Variants in COL7A1 observed in about 807,000 individuals in gnomAD.
COL7A1 encodes collagen type VII alpha 1 chain.
In COL7A1, 296 loss-of-function variants were observed where a neutral mutation model predicts 456.2. The observed-to-expected ratio is 0.65, with a 90% CI of 0.59 to 0.71. The LOEUF (loss-of-function observed/expected upper bound fraction) is 0.71, where lower values mean the gene tolerates loss of function less well. Ranked by LOEUF, COL7A1 falls within the 30% of genes least tolerant of loss-of-function variation. The pLI is 0.00. For missense variants in COL7A1, 3,441 were observed against 4,017.2 expected, an observed-to-expected ratio of 0.86 and a Z score of 3.88; for synonymous variants, 1,464 against 1,525.9, an observed-to-expected ratio of 0.96 and a Z score of 0.95.
chr3:48,586,115 C>T lies in COL7A1; in HGVS notation c.3682G>A (p.Gly1228Ser), dbSNP rs1351788693. 1 of 1,613,550 alleles carries T rather than the reference C, an allele frequency of 6.2e-7. No homozygotes were observed. The highest frequency in any genetic ancestry group is 1.1e-5 in the South Asian group (1 of 91,090). Residue 1228 changes from glycine (G) to serine (S), a missense_variant, in exon 28 of 119, where the codon GGT (glycine) becomes AGT (serine). Physicochemically the swap from Gly to Ser is moderately conservative, Grantham distance 56. Coordinates refer to ENST00000681320, the MANE Select transcript of COL7A1 (RefSeq NM_000094.4). This position sits in a 1 kb window ranked among gnomAD's most constrained non-coding sequence, Gnocchi z 5.1. The part of the protein sequence containing the change: ...DGPSLDQAVS[G>S]LATALCQASF... Reference sequence around the variant, plus strand: ...GCCTGACACAGGGCTGTGGCCAGACCACTGACTGCCTGGTCCAGGCTTGGC... The same window carrying T: ...GCCTGACACAGGGCTGTGGCCAGACTACTGACTGCCTGGTCCAGGCTTGGC...
In COL7A1 at chr3:48,575,851, C is replaced by T. The variant is rs1365765215; in HGVS notation, c.5856+16G>A. 6.2e-7 allele frequency: 1 copy of T among 1,614,152 alleles called. No individual in the cohort carries two copies. The highest frequency in any genetic ancestry group is 1.7e-5 in the Admixed American group (1 of 60,036). On this transcript the variant is annotated intron_variant, in intron 72 of 118. Transcript: ENST00000681320. The surrounding 1 kb of genome is among the most constrained non-coding windows in gnomAD (Gnocchi z 6.3). ...GGCCCCCACTTGTCCCTACCCCCAG[C>T]CCCTAAACAACCCACCTTGATGCCA...
Position 48,586,537 on chromosome 3 carries a change from G to T in COL7A1, c.3403+26C>A. 6.2e-7 allele frequency: 1 copy of T among 1,613,744 alleles called. No homozygotes were observed. Among genetic ancestry groups the T allele is most frequent in the Non-Finnish European group, 8.5e-7 (1 of 1,180,040 alleles). On this transcript the variant is annotated intron_variant, in intron 26 of 118. Coordinates refer to ENST00000681320, the MANE Select transcript of COL7A1 (RefSeq NM_000094.4). The surrounding 1 kb of genome is among the most constrained non-coding windows in gnomAD (Gnocchi z 5.1). ...CCAAGCTCCCAGTGGATAGCCCCAG[G>T]AGTCCATGCCTGCTGCAGTCCTCAC...
At position 48,572,905 on chromosome 3, in the gene COL7A1, C is replaced by G; in HGVS notation, c.6788G>C (p.Gly2263Ala). 1 of 1,613,974 alleles carries G rather than the reference C, an allele frequency of 6.2e-7. No homozygotes were observed. The highest frequency in any genetic ancestry group is 8.5e-7 in the Non-Finnish European group (1 of 1,180,008). The change falls in exon 87 of 119, where the codon GGT becomes GCT. Residue 2263 changes from glycine to alanine, a missense_variant. By Grantham distance (60) the Gly-to-Ala change is moderately conservative. Coordinates refer to ENST00000681320, the MANE Select transcript of COL7A1 (RefSeq NM_000094.4). The surrounding 1 kb of genome is among the most constrained non-coding windows in gnomAD (Gnocchi z 4.6). ...TCTGTCTCCATCTTTTCCACTGGCA[C>G]CATCTCGACCTGGGGCTCCCGGCTT... ...TGKPGAPGRD[G>A]ASGKDGDRGS...
In COL7A1 at chr3:48,569,272, C is replaced by T. The variant is rs1232499311; in HGVS notation, c.7686+103G>A. On this transcript the variant is annotated intron_variant, in intron 103 of 118. Transcript: ENST00000681320. This position sits in a 1 kb window ranked among gnomAD's most constrained non-coding sequence, Gnocchi z 4.9. ...GCCACAGAACCCCTTCCCCCTAAAC[C>T]CCAGAAAGCCTCCTCCTGTCCTCCC... The T allele has an allele frequency of 7.0e-7, 1 of 1,422,576 alleles. No individual in the cohort carries two copies. Among genetic ancestry groups the T allele is most frequent in the Non-Finnish European group, 9.9e-7 (1 of 1,007,380 alleles). The allele number at this position is 1,422,576 out of a possible 1,614,324, so 88.1% of individuals were successfully genotyped here.
chr3:48,581,829 G>T lies in COL7A1; in HGVS notation c.4669-70C>A. ...AACCCCCTGACCCAGCAAGTCCTGTGACCCCCCAAGTCCCATAGATAGGCC... is the reference window on the plus strand; with the variant it reads ...AACCCCCTGACCCAGCAAGTCCTGTTACCCCCCAAGTCCCATAGATAGGCC... On this transcript the variant is annotated intron_variant, in intron 48 of 118. Transcript: ENST00000681320. The surrounding 1 kb of genome is among the most constrained non-coding windows in gnomAD (Gnocchi z 5.8). 1.2e-6 allele frequency: 2 copies of T among 1,613,168 alleles called. No homozygotes were observed. Among genetic ancestry groups the T allele is most frequent in the East Asian group, 2.2e-5 (1 of 44,864 alleles).
intron 65 of COL7A1, among the ~76,000 whole-genome samples, chr3:48,577,453 T>C (rs1348585129): frequency 6.6e-6 from 1 of 152,260 alleles, no homozygotes; most frequent in Non-Finnish European, 1.5e-5. Flanking sequence ...CATGGGCTTA[T>C]ACATGCCTTG....
Position 48,569,190 on chromosome 3 carries a change from T to C in COL7A1, c.7686+185A>G, listed in dbSNP as rs1269245746. 6.6e-6 allele frequency among the ~76,000 whole-genome samples: 1 copy of C among 151,572 alleles called. No homozygotes were observed. Among genetic ancestry groups the C allele is most frequent in the Non-Finnish European group, 1.5e-5 (1 of 67,876 alleles). On this transcript the variant is annotated intron_variant, in intron 103 of 118. Transcript: ENST00000681320. This position sits in a 1 kb window ranked among gnomAD's most constrained non-coding sequence, Gnocchi z 4.9. ...GCCAGTCCACAGAGCTCTCCTAACC[T>C]CACACCAAGGCCTTGAGCCCTCCCT...
chr3:48,593,601 G>A lies in COL7A1; in HGVS notation c.362C>T (p.Ala121Val). The change falls in exon 4 of 119, where the codon GCT (alanine) becomes GTT (valine). Residue 121 changes from alanine (A) to valine (V), a missense_variant. By Grantham distance (64) the Ala-to-Val change is moderately conservative (BLOSUM62 0). This residue lies in a region of COL7A1 where 913 missense variants were observed against 1,088.2 expected (regional missense o/e 0.84). Coordinates refer to ENST00000681320, the MANE Select transcript of COL7A1 (RefSeq NM_000094.4). This position sits in a 1 kb window ranked among gnomAD's most constrained non-coding sequence, Gnocchi z 4.4. Reference sequence around the variant, plus strand: ...ATGGTCAGCCACATGGAGAATTGCAGCCCCTGTGCGAGTGTTGCCCCCCTT... The same window carrying A: ...ATGGTCAGCCACATGGAGAATTGCAACCCCTGTGCGAGTGTTGCCCCCCTT... Reference protein sequence around the residue: ...SYKGGNTRTGAAILHVADHVF... With the variant: ...SYKGGNTRTGVAILHVADHVF... The A allele has an allele frequency of 1.2e-6, 2 of 1,614,222 alleles. No individual in the cohort carries two copies. Among genetic ancestry groups the A allele is most frequent in the Non-Finnish European group, 1.7e-6 (2 of 1,180,032 alleles).
Position 48,573,845 on chromosome 3 carries a change from G to A in COL7A1, c.6537+10C>T, listed in dbSNP as rs1425145848. ...GGGGGCAAGACAGGTGAAGGTTCTTGGGTACTCACCACTGGGCCAGGGGGG... is the reference window on the plus strand; with the variant it reads ...GGGGGCAAGACAGGTGAAGGTTCTTAGGTACTCACCACTGGGCCAGGGGGG... On this transcript the variant is annotated intron_variant, in intron 81 of 118. Transcript: ENST00000681320. The surrounding 1 kb of genome is among the most constrained non-coding windows in gnomAD (Gnocchi z 5.5). 1 of 1,614,044 alleles carries A rather than the reference G, an allele frequency of 6.2e-7. No homozygotes were observed. The highest frequency in any genetic ancestry group is 1.1e-5 in the South Asian group (1 of 91,072).
Position 48,575,405 on chromosome 3 carries a change from C to A in COL7A1, c.6114G>T (p.Lys2038Asn). 4 of 1,610,570 alleles carry A rather than the reference C, an allele frequency of 2.5e-6. No homozygotes were observed. The highest frequency in any genetic ancestry group is 3.4e-6 in the Non-Finnish European group (4 of 1,178,958). The change falls in exon 74 of 119, where the codon AAG (lysine) becomes AAT (asparagine). Residue 2038 changes from lysine (K) to asparagine (N), a missense_variant. Transcript: ENST00000681320. This position sits in a 1 kb window ranked among gnomAD's most constrained non-coding sequence, Gnocchi z 6.3. ...GPSGLAGEPGKPGIPGLPGRA... is the reference protein window; with the variant it reads ...GPSGLAGEPGNPGIPGLPGRA... The stretch of plus-strand genomic sequence containing the variant: ...TGCCTGGGAGCCCGGGAATACCAGG[C>A]TTTCCAGGCTCCCCGGCAAGGCCGG...
chr3:48,576,504 C>G lies in COL7A1; in HGVS notation c.5736+18G>C. 1 of 1,612,368 alleles carries G rather than the reference C, an allele frequency of 6.2e-7. No individual in the cohort carries two copies. Among genetic ancestry groups the G allele is most frequent in the South Asian group, 1.1e-5 (1 of 90,886 alleles). On this transcript the variant is annotated intron_variant, in intron 69 of 118. Coordinates refer to ENST00000681320, the MANE Select transcript of COL7A1 (RefSeq NM_000094.4). ...GTCAGCCCCCTCACCACGCCCCCTA[C>G]CCAACATCCGCACTCACCTTGGGGC...
rs187312469 is a variant in COL7A1, at chr3:48,572,372, C to T, written c.6978+8G>A. 3.2e-5 allele frequency: 51 copies of T among 1,614,102 alleles called. No homozygotes were observed. The highest frequency in any genetic ancestry group is 1.6e-4 in the Middle Eastern group (1 of 6,062). ...CAGAACATCTGCTGTCAGAAGTTCC[C>T]TACTTACCGGCTCACCCACCAGGTC... On this transcript the variant is annotated splice_region_variant and intron_variant, in intron 90 of 118. Coordinates refer to ENST00000681320, the MANE Select transcript of COL7A1 (RefSeq NM_000094.4). The surrounding 1 kb of genome is among the most constrained non-coding windows in gnomAD (Gnocchi z 4.6).
Position 48,593,477 on chromosome 3 carries a change from G to A in COL7A1, c.427-28C>T, listed in dbSNP as rs762858090. ...GGGACAGGTGCAGGGGTCAAATCAC[G>A]GTTCCCCTGGACACTTCATTTGGGG... On this transcript the variant is annotated intron_variant, in intron 4 of 118. Transcript: ENST00000681320. This position sits in a 1 kb window ranked among gnomAD's most constrained non-coding sequence, Gnocchi z 4.4. The A allele has an allele frequency of 8.1e-6, 13 of 1,613,952 alleles. No homozygotes were observed. The highest frequency in any genetic ancestry group is 3.3e-4 in the Middle Eastern group (2 of 6,062).
Position 48,575,887 on chromosome 3 carries a change from G to A in COL7A1, c.5836C>T (p.Leu1946=), listed in dbSNP as rs763839037. The change falls in exon 72 of 119, where the codon CTG becomes TTG. Residue 1946 remains leucine, a synonymous_variant. Coordinates refer to ENST00000681320, the MANE Select transcript of COL7A1 (RefSeq NM_000094.4). This position sits in a 1 kb window ranked among gnomAD's most constrained non-coding sequence, Gnocchi z 6.3. ...PGSVPNVDRL[L]ETAGIKASAL... is the part of the protein sequence containing the mutation. ...CCCACCTTGATGCCAGCAGTTTCCAGCAACCGATCCACATTCTGGGGACAA... is the reference window on the plus strand; with the variant it reads ...CCCACCTTGATGCCAGCAGTTTCCAACAACCGATCCACATTCTGGGGACAA... 6.2e-7 allele frequency: 1 copy of A among 1,614,118 alleles called. No individual in the cohort carries two copies. Among genetic ancestry groups the A allele is most frequent in the East Asian group, 2.2e-5 (1 of 44,876 alleles).
chr3:48,569,818 C>T lies in COL7A1; in HGVS notation c.7522-58G>A. ...ACTGGGGAGGCCCCGCACCTGAATT[C>T]TAATATCATACAAGATCCACTCACC... is the stretch of plus-strand genomic sequence containing the variant. On this transcript the variant is annotated intron_variant, in intron 100 of 118. Transcript: ENST00000681320. This position sits in a 1 kb window ranked among gnomAD's most constrained non-coding sequence, Gnocchi z 4.9. 1 of 1,614,130 alleles carries T rather than the reference C, an allele frequency of 6.2e-7. No homozygotes were observed. The highest frequency in any genetic ancestry group is 8.5e-7 in the Non-Finnish European group (1 of 1,180,010).
Position 48,580,525 on chromosome 3 carries a change from G to C in COL7A1, c.5052+56C>G. On this transcript the variant is annotated intron_variant, in intron 55 of 118. Transcript: ENST00000681320. The surrounding 1 kb of genome is among the most constrained non-coding windows in gnomAD (Gnocchi z 4.5). ...GTTGGGGGGTAGGATCAGGTATTGG[G>C]AATTGGCTGGTTGGAGGGTTAAGGT... The C allele has an allele frequency of 6.3e-7, 1 of 1,581,946 alleles. No homozygotes were observed. The highest frequency in any genetic ancestry group is 8.7e-7 in the Non-Finnish European group (1 of 1,153,298).
chr3:48,570,798 AG>A lies in COL7A1; in HGVS notation c.7272+62del. 1 of 1,563,406 alleles carries A rather than the reference AG, an allele frequency of 6.4e-7. No homozygotes were observed. The highest frequency in any genetic ancestry group is 1.2e-5 in the South Asian group (1 of 85,608). Reference sequence around the variant, plus strand: ...CCTCAAGACTGGGAACCCCCAAGGCAGGGCCCCCTCCTCACCCACCATGGAT... The same window carrying A: ...CCTCAAGACTGGGAACCCCCAAGGCAGGCCCCCTCCTCACCCACCATGGAT... On this transcript the variant is annotated intron_variant, in intron 95 of 118. Coordinates refer to ENST00000681320, the MANE Select transcript of COL7A1 (RefSeq NM_000094.4). This position sits in a 1 kb window ranked among gnomAD's most constrained non-coding sequence, Gnocchi z 5.5.
chr3:48,577,161 T>G (rs1236342254), intron 65 of COL7A1, 134 bp from the exon 66 acceptor site: 3 of 1,260,736 alleles, frequency 2.4e-6, no homozygotes, highest in Non-Finnish European at 3.4e-6. Context: ...TCTTGGAGCA[T>G]GGCCTGTGGC....
rs199974050 is a variant in COL7A1 at position 48,570,347 on chromosome 3, A to G, written c.7381-13T>C. 3.8e-5 allele frequency: 61 copies of G among 1,614,008 alleles called. No individual in the cohort carries two copies. The Admixed American group carries it at 1.0e-3, about 26-fold the overall frequency. On this transcript the variant is annotated splice_polypyrimidine_tract_variant and intron_variant, in intron 97 of 118. Coordinates refer to ENST00000681320, the MANE Select transcript of COL7A1 (RefSeq NM_000094.4). The surrounding 1 kb of genome is among the most constrained non-coding windows in gnomAD (Gnocchi z 5.5). ...CTCCAGGGTCTCCCTGGAGACCAAC[A>G]GGACACCGGGGATCAGTGAGGGGAA...
Sources: allele counts gnomAD v4.1 joint callset (sites outside exome capture counted in the v4.1 genomes callset), GRCh38; gene constraint gnomAD v4.1.1; regional missense constraint gnomAD v4.1.1; non-coding constraint Gnocchi (gnomAD v3.1); transcripts MANE v1.5; gene names NCBI Gene and HGNC (gene_info 2026-07-23, HGNC 2026-07-21).